ITLN2: variants seen among roughly 807,000 people sequenced by gnomAD.
The protein encoded by ITLN2 is intelectin 2.
A neutral mutation model predicts 39.4 loss-of-function variants in ITLN2; 29 were observed. The observed-to-expected ratio is 0.74, with a 90% CI of 0.55 to 1.00. The LOEUF (loss-of-function observed/expected upper bound fraction) is 1.00, where lower values mean the gene tolerates loss of function less well. ITLN2 is among the 50% of genes least tolerant of loss of function. The pLI is 0.00. For synonymous variants in ITLN2, 156 were observed against 153.4 expected, an observed-to-expected ratio of 1.02 and a Z score of -0.12; for missense variants, 412 against 416.7, an observed-to-expected ratio of 0.99 and a Z score of 0.10.
At chr1:160,951,017 C>A (rs1557874474) in intron 4 of ITLN2, 26 bp downstream of exon 4, 1 of 1,614,226 alleles carries the variant, frequency 6.2e-7, no homozygotes, top group Non-Finnish European at 8.5e-7. Flanking sequence ...TCACCCTCAC[C>A]CAAGTAGGAG....
Position 160,945,211 on chromosome 1 carries a change from A to G in ITLN2, c.907T>C (p.Tyr303His), listed in dbSNP as rs778086034. ...GDFSAFDWDG[Y>H]GTHVKSSCSR... ...CAGCTGCTCTTAACGTGAGTTCCAT[A>G]TCCATCCCAGTCAAAGGCGGAGAAG... Residue 303 changes from tyrosine (Y) to histidine (H), a missense_variant, in exon 8 of 8, where the codon TAT (tyrosine) becomes CAT (histidine). Transcript: ENST00000368029. 3 of 1,607,826 alleles carry G rather than the reference A, an allele frequency of 1.9e-6. No homozygotes were observed. Among genetic ancestry groups the G allele is most frequent in the African/African-American group, 2.7e-5 (2 of 74,386 alleles).
intron 4 of ITLN2, 148 bp from the exon 5 acceptor site, chr1:160,950,859 T>C: frequency 6.9e-7 from 1 of 1,455,452 alleles, no homozygotes; most frequent in Admixed American, 1.9e-5. Flanking sequence ...CAGCTGATGA[T>C]CCCACCACCA....
rs139849754 is a variant in ITLN2 at position 160,954,388 on chromosome 1, T to C, written c.78A>G (p.Ala26=). ...FFSVATSGCS[A]AAASSLEMLS... The stretch of plus-strand genomic sequence containing the variant: ...CTCCTACTCTCAGAAGCCATTTACC[T>C]GCACTGCACCCACTGGTGGCCACAG... Residue 26 remains alanine, a splice_region_variant and synonymous_variant, in exon 2 of 8, where the codon GCA becomes GCG. Coordinates refer to ENST00000368029, the MANE Select transcript of ITLN2 (RefSeq NM_080878.3). 80 of 1,570,300 alleles carry C rather than the reference T, an allele frequency of 5.1e-5. No individual in the cohort carries two copies. The highest frequency in any genetic ancestry group is 6.0e-5 in the Non-Finnish European group (69 of 1,155,784).
At chr1:160,954,311 G>T in intron 2 of ITLN2, 76 bp downstream of exon 2, 2 of 1,139,642 alleles carry the variant, frequency 1.8e-6, no homozygotes, top group Non-Finnish European at 2.5e-6. Context: ...GCCCTGCCCA[G>T]CTCTACTCCC....
intron 3 of ITLN2, among the ~76,000 whole-genome samples, chr1:160,951,843 G>C (rs1671753482): frequency 6.6e-6 from 1 of 152,228 alleles, no homozygotes; most frequent in Non-Finnish European, 1.5e-5. Flanking sequence ...AACCTTGTGA[G>C]GAGCTGCAAC....
At chr1:160,952,823 T>G (rs1475695504) in intron 2 of ITLN2, 90 bp from the exon 3 acceptor site, 5 of 937,252 alleles carry the variant, frequency 5.3e-6, no homozygotes, top group Non-Finnish European at 8.5e-6. Context: ...AACTCATCAC[T>G]CTGCTCTGAA....
chr1:160,949,859 C>G, intron 6 of ITLN2, 187 bp downstream of exon 6: 1 of 570,888 alleles, frequency 1.8e-6, no homozygotes, highest in Non-Finnish European at 3.1e-6. Context: ...GGGATAACAG[C>G]AATTCTAACT....
intron 3 of ITLN2, among the ~76,000 whole-genome samples, chr1:160,952,349 TG>T (rs1334902173): frequency 6.6e-6 from 1 of 152,102 alleles, no homozygotes; most frequent in Non-Finnish European, 1.5e-5. Flanking sequence ...TCTATAAACC[TG>T]GGGCAAGTAG....
rs561624742 is a variant in ITLN2 at position 160,948,418 on chromosome 1, G to A, written c.722-386C>T. ...TACACACTTCTCATCCAATTACCAT[G>A]GGTTAGTTTCCCTGACCATCACCTG... On this transcript the variant is annotated intron_variant, in intron 6 of 7. Coordinates refer to ENST00000368029, the MANE Select transcript of ITLN2 (RefSeq NM_080878.3). Among the ~76,000 whole-genome samples, 399 of 152,284 alleles carry A rather than the reference G, an allele frequency of 2.6e-3. 8 individuals are homozygous for A. The Middle Eastern group carries it at 0.044, about 17-fold the overall frequency.
intron 7 of ITLN2, among the ~76,000 whole-genome samples, chr1:160,946,153 A>G (rs757313266): frequency 1.9e-4 from 29 of 151,902 alleles, no homozygotes; most frequent in Non-Finnish European, 4.0e-4. Flanking sequence ...TACTAAAAAT[A>G]CAAAAAAATT....
At chr1:160,951,916 C>G (rs768653951) in intron 3 of ITLN2, among the ~76,000 whole-genome samples, 36 of 152,350 alleles carry the variant, frequency 2.4e-4, no homozygotes, top group South Asian at 6.2e-4. Flanking sequence ...GCTGTCATAA[C>G]TGTGTCATCA....
In ITLN2 at chr1:160,945,249, C is replaced by A; in HGVS notation, c.869G>T (p.Arg290Leu). 1 of 1,602,410 alleles carries A rather than the reference C, an allele frequency of 6.2e-7. No homozygotes were observed. The highest frequency in any genetic ancestry group is 8.5e-7 in the Non-Finnish European group (1 of 1,177,032). Reference sequence around the variant, plus strand: ...AAAGGCGGAGAAGTCCCCACACTGACGGGGTTTGCCCTGTGGGAAGAACCC... The same window carrying A: ...AAAGGCGGAGAAGTCCCCACACTGAAGGGGTTTGCCCTGTGGGAAGAACCC... ...GGGFFPQGKP[R>L]QCGDFSAFDW... The change falls in exon 8 of 8, where the codon CGT becomes CTT. Residue 290 changes from arginine to leucine, a missense_variant. Arg to Leu is a moderately radical substitution (Grantham distance 102). Transcript: ENST00000368029.
intron 3 of ITLN2, 156 bp from the exon 4 acceptor site, chr1:160,951,446 C>T (rs1671744088): frequency 1.1e-5 from 10 of 926,502 alleles, no homozygotes; most frequent in Non-Finnish European, 1.3e-5. Flanking sequence ...GTGTTCTGCT[C>T]ACCTATGAGC....
chr1:160,945,492 A>G (rs1240444909), intron 7 of ITLN2, among the ~76,000 whole-genome samples, 200 bp from the exon 8 acceptor site: 2 of 152,186 alleles, frequency 1.3e-5, no homozygotes, highest in African/African-American at 4.8e-5. Flanking sequence ...AACATACACA[A>G]ACACGCACTA....
At position 160,952,690 on chromosome 1, in the gene ITLN2, GGTTTCGAATTCCCTCGAGA is replaced by G. The variant is rs1288022323; in HGVS notation, c.104_122del (p.Leu35ProfsTer44). The G allele has an allele frequency of 6.2e-7, 1 of 1,613,992 alleles. No homozygotes were observed. Among genetic ancestry groups the G allele is most frequent in the African/African-American group, 1.3e-5 (1 of 74,910 alleles). ...GCAGGGAAGAAAAGGAGAAGGCACAGGTTTCGAATTCCCTCGAGAGCATCTCAAGAGAAGAGGCTGCTGC... is the reference window on the plus strand; with the variant it reads ...GCAGGGAAGAAAAGGAGAAGGCACAGGCATCTCAAGAGAAGAGGCTGCTGC... On this transcript the variant is annotated frameshift_variant, in exon 3 of 8. Coordinates refer to ENST00000368029, the MANE Select transcript of ITLN2 (RefSeq NM_080878.3). LOFTEE classifies it high-confidence loss of function.
At chr1:160,951,486 A>G in intron 3 of ITLN2, 196 bp from the exon 4 acceptor site, 1 of 653,020 alleles carries the variant, frequency 1.5e-6, no homozygotes, top group Non-Finnish European at 2.5e-6. Flanking sequence ...GCTTCACACT[A>G]TCTTTTCAAA....
At chr1:160,945,732 G>T (rs1671586181) in intron 7 of ITLN2, among the ~76,000 whole-genome samples, 1 of 152,152 alleles carries the variant, frequency 6.6e-6, no homozygotes, top group Non-Finnish European at 1.5e-5. Flanking sequence ...GTTGGGGAGG[G>T]AAGGGGGCCC....
At chr1:160,950,849 C>G in intron 4 of ITLN2, 138 bp from the exon 5 acceptor site, 1 of 1,458,690 alleles carries the variant, frequency 6.9e-7, no homozygotes. Flanking sequence ...ACCCCACTCC[C>G]AGCTGATGAT....
At chr1:160,945,732 G>A (rs1671586181) in intron 7 of ITLN2, among the ~76,000 whole-genome samples, 1 of 152,152 alleles carries the variant, frequency 6.6e-6, no homozygotes. Flanking sequence ...GTTGGGGAGG[G>A]AAGGGGGCCC....
Sources: gnomAD v4.1 joint callset for allele counts (sites outside exome capture counted in the v4.1 genomes callset) on GRCh38, gnomAD v4.1.1 for gene constraint, MANE v1.5 for transcripts, NCBI Gene and HGNC (gene_info 2026-07-23, HGNC 2026-07-21) for gene names.